Variants in CADM2 observed in about 807,000 individuals in gnomAD.
CADM2 encodes immunoglobulin superfamily member 4D.
Under a neutral mutation model 49.8 loss-of-function variants are expected in CADM2, and 12 were observed. The observed-to-expected ratio is 0.24, with a 90% confidence interval of 0.15 to 0.39. The LOEUF (loss-of-function observed/expected upper bound fraction) is 0.39, where lower values mean the gene tolerates loss of function less well. CADM2 is among the 10% of genes least tolerant of loss of function. The pLI, the probability that CADM2 is intolerant of heterozygous loss-of-function variation, is 1.00. For synonymous variants in CADM2, 214 were observed against 175.4 expected, an observed-to-expected ratio of 1.22 and a Z score of -1.74; for missense variants, 378 against 492.3, an observed-to-expected ratio of 0.77 and a Z score of 2.20.
At chr3:85,479,525 C>A (rs1159888197) in intron 1 of CADM2, among the ~76,000 whole-genome samples, 1 of 151,870 alleles carries the variant, frequency 6.6e-6, no homozygotes, top group African/African-American at 2.4e-5. Flanking sequence ...GATCACATAG[C>A]AAGAGAGTAC....
chr3:85,941,670 G>A (rs2108555228), intron 7 of CADM2, among the ~76,000 whole-genome samples: 1 of 152,138 alleles, frequency 6.6e-6, no homozygotes, highest in East Asian at 1.9e-4. Context: ...AAGGAATTAA[G>A]ATTGAGTTTT....
chr3:85,481,487 G>A (rs2039208144), intron 1 of CADM2, among the ~76,000 whole-genome samples: 1 of 151,536 alleles, frequency 6.6e-6, no homozygotes, highest in Non-Finnish European at 1.5e-5. Flanking sequence ...TAACAGCATG[G>A]CTATTACAGT....
At chr3:85,886,403 A>C in intron 5 of CADM2, 76 bp downstream of exon 5, 10 of 1,120,826 alleles carry the variant, frequency 8.9e-6, no homozygotes, top group Non-Finnish European at 1.1e-5. Context: ...GGCATTTTAC[A>C]TTATTTTTCA....
At chr3:85,906,769 T>A (rs1251264579) in intron 5 of CADM2, among the ~76,000 whole-genome samples, 1 of 152,224 alleles carries the variant, frequency 6.6e-6, no homozygotes, top group Non-Finnish European at 1.5e-5. Context: ...GCCACTATGT[T>A]TGGTCTAGAG....
intron 1 of CADM2, among the ~76,000 whole-genome samples, chr3:85,255,542 TA>T (rs879891042): frequency 1.8e-4 from 26 of 146,550 alleles, no homozygotes; most frequent in South Asian, 6.4e-4. Flanking sequence ...CCCTTTTCTG[TA>T]AAAAAAAAAG....
chr3:85,287,873 C>T (rs755671747), intron 1 of CADM2, among the ~76,000 whole-genome samples: 60 of 147,034 alleles, frequency 4.1e-4, no homozygotes, highest in Non-Finnish European at 8.4e-4. Flanking sequence ...CACATGTTCT[C>T]ACTTATAGGT....
intron 8 of CADM2, among the ~76,000 whole-genome samples, chr3:85,972,547 T>C (rs1726283196): frequency 6.6e-6 from 1 of 151,776 alleles, no homozygotes; most frequent in South Asian, 2.1e-4. Flanking sequence ...TGAACACTAG[T>C]CCTTGGAGAG....
At chr3:85,706,939 G>A (rs1048909689) in intron 1 of CADM2, among the ~76,000 whole-genome samples, 3 of 152,008 alleles carry the variant, frequency 2.0e-5, no homozygotes, top group African/African-American at 7.2e-5. Context: ...ATCTGAATGT[G>A]TACCTATACA....
At chr3:85,957,747 G>A (rs1406592049) in intron 7 of CADM2, among the ~76,000 whole-genome samples, 1 of 151,702 alleles carries the variant, frequency 6.6e-6, no homozygotes, top group Non-Finnish European at 1.5e-5. Context: ...TTCCTTCTTG[G>A]GTGTTGTTAA....
At chr3:86,037,309 G>A (rs1454023919) in intron 8 of CADM2, among the ~76,000 whole-genome samples, 1 of 152,080 alleles carries the variant, frequency 6.6e-6, no homozygotes, top group Non-Finnish European at 1.5e-5. Flanking sequence ...AGCACAAGAA[G>A]AAATGTTGGC....
chr3:85,042,192 A>G (rs2035468825), intron 1 of CADM2, among the ~76,000 whole-genome samples: 1 of 152,184 alleles, frequency 6.6e-6, no homozygotes, highest in African/African-American at 2.4e-5. Flanking sequence ...TCAGGAAAAC[A>G]AATGGCAACA....
chr3:85,362,358 A>AC (rs2032420885), intron 1 of CADM2, among the ~76,000 whole-genome samples: 1 of 152,176 alleles, frequency 6.6e-6, no homozygotes, highest in Non-Finnish European at 1.5e-5. Flanking sequence ...CCTTTTTGAG[A>AC]AAATTGCTAG....
chr3:85,811,487 G>T (rs2072874215), intron 3 of CADM2, among the ~76,000 whole-genome samples: 1 of 152,194 alleles, frequency 6.6e-6, no homozygotes, highest in Admixed American at 6.6e-5. Flanking sequence ...GTTGTTTGCA[G>T]TTATCGCAGC....
intron 1 of CADM2, among the ~76,000 whole-genome samples, chr3:85,173,023 C>A (rs2040672862): frequency 7.1e-6 from 1 of 140,686 alleles, no homozygotes; most frequent in Admixed American, 7.4e-5. Context: ...GAGATGGAGT[C>A]TTGCTCTGTC....
At chr3:85,765,565 T>G (rs2069615884) in intron 2 of CADM2, among the ~76,000 whole-genome samples, 1 of 152,016 alleles carries the variant, frequency 6.6e-6, no homozygotes, top group African/African-American at 2.4e-5. Flanking sequence ...GCTTTTCAAT[T>G]TCCTCTAATT....
chr3:85,050,538 A>T (rs2035842896), intron 1 of CADM2, among the ~76,000 whole-genome samples: 2 of 152,288 alleles, frequency 1.3e-5, no homozygotes, highest in African/African-American at 2.4e-5. Flanking sequence ...TATTAAAAAC[A>T]TTAAGTAGGA....
In CADM2 at chr3:85,294,613, C is replaced by T. The variant is rs543840002; in HGVS notation, c.61+334945C>T. On this transcript the variant is annotated intron_variant, in intron 1 of 9. Coordinates refer to ENST00000383699, the MANE Select transcript of CADM2 (RefSeq NM_001167675.2). ...AGAGATATAGATCAATGGAACAGAA[C>T]AGAGCCCTCAGAAATAACGCTGCAT... Among the ~76,000 whole-genome samples, 9 of 151,970 alleles carry T rather than the reference C, an allele frequency of 5.9e-5. No homozygotes were observed. The South Asian group carries it at 1.2e-3, about 21-fold the overall frequency.
intron 3 of CADM2, among the ~76,000 whole-genome samples, chr3:85,882,457 G>C (rs1712958535): frequency 6.6e-6 from 1 of 152,066 alleles, no homozygotes; most frequent in South Asian, 2.1e-4. Context: ...TTTACTGTTT[G>C]GGAAGCTACT....
At chr3:85,225,281 C>T (rs535526070) in intron 1 of CADM2, among the ~76,000 whole-genome samples, 3 of 152,082 alleles carry the variant, frequency 2.0e-5, no homozygotes, top group Non-Finnish European at 4.4e-5. Context: ...TTTCCTTGAG[C>T]AGTGGTTTGT....
Sources: allele counts gnomAD v4.1 joint callset (sites outside exome capture counted in the v4.1 genomes callset), GRCh38; gene constraint gnomAD v4.1.1; transcripts MANE v1.5; gene names NCBI Gene and HGNC (gene_info 2026-07-23, HGNC 2026-07-21).